Variants in PPP1R12C observed in about 807,000 individuals in gnomAD.
The protein encoded by PPP1R12C is protein phosphatase 1 regulatory subunit 12C, also known as leukocyte receptor cluster (LRC) encoded novel gene 3.
PPP1R12C carries 48 observed loss-of-function variants against 95.6 expected under a neutral mutation model. That is an observed-to-expected ratio of 0.50 (90% CI 0.40 to 0.64). The LOEUF is 0.64. PPP1R12C is among the 30% of genes least tolerant of loss of function. The pLI is 0.00. For synonymous variants in PPP1R12C, 480 were observed against 460.8 expected, an observed-to-expected ratio of 1.04 and a Z score of -0.53; for missense variants, 1,057 against 1,083.3, an observed-to-expected ratio of 0.98 and a Z score of 0.34.
intron 3 of PPP1R12C, among the ~76,000 whole-genome samples, chr19:55,104,179 A>AAAAT (rs34744793): frequency 9.6e-6 from 1 of 104,368 alleles, no homozygotes; most frequent in African/African-American, 3.8e-5. Context: ...AAAAAAAAAA[A>AAAAT]GTATATATAT....
chr19:55,112,068 G>C (rs2085101225), intron 3 of PPP1R12C: 1 of 174,872 alleles, frequency 5.7e-6, no homozygotes, highest in Non-Finnish European at 1.2e-5. Context: ...CCAGTCCCTG[G>C]CAACCCCTGC....
At chr19:55,113,821 G>A (rs150340741) in intron 1 of PPP1R12C, 328 of 217,036 alleles carry the variant, frequency 1.5e-3, no homozygotes, top group Non-Finnish European at 1.8e-3. Context: ...CATGGCGATA[G>A]GGGAGGGGGG....
chr19:55,113,234 G>A, intron 1 of PPP1R12C: 1 of 551,782 alleles, frequency 1.8e-6, no homozygotes, highest in African/African-American at 1.9e-5. Context: ...ACCCAGCCAG[G>A]TCCTTCCAAG....
chr19:55,113,304 G>A, intron 1 of PPP1R12C: 1 of 950,976 alleles, frequency 1.1e-6, no homozygotes, highest in Non-Finnish European at 1.5e-6. Flanking sequence ...TGGGCCCAGG[G>A]CTATGCAGGG....
At position 55,095,915 on chromosome 19, in the gene PPP1R12C, G is replaced by A; in HGVS notation, c.1179C>T (p.Thr393=). Residue 393 remains threonine, a synonymous_variant, in exon 9 of 22, where the codon ACC becomes ACT. Coordinates refer to ENST00000263433, the MANE Select transcript of PPP1R12C (RefSeq NM_017607.4). ...GCGGCGGGGAGGAGACGCCATTGAGGGTTCTGGGTTCTGCAGGGGGTGGTT... is the reference window on the plus strand; with the variant it reads ...GCGGCGGGGAGGAGACGCCATTGAGAGTTCTGGGTTCTGCAGGGGGTGGTT... ...PTEPPPAEPR[T]LNGVSSPPHP... is the part of the protein sequence containing the mutation. 1 of 1,613,318 alleles carries A rather than the reference G, an allele frequency of 6.2e-7. No individual in the cohort carries two copies.
Position 55,097,481 on chromosome 19 carries a change from CCG to C in PPP1R12C, c.952-1148_952-1147del, listed in dbSNP as rs1237611014. ...GTTCACCACCGTCTTCACACCTTCC[CCG>C]CGCAGTTCACCACCGTCTTCACCCC... is the stretch of plus-strand genomic sequence containing the variant. On this transcript the variant is annotated intron_variant, in intron 6 of 21. Transcript: ENST00000263433. Among the ~76,000 whole-genome samples, 57 of 131,450 alleles carry C rather than the reference CCG, an allele frequency of 4.3e-4. 1 individual carries two copies. The highest frequency in any genetic ancestry group is 1.7e-3 in the African/African-American group (52 of 29,870). The allele number at this position is 131,450 out of a possible 152,430, so 86.2% of individuals were successfully genotyped here.
Position 55,096,150 on chromosome 19 carries a change from C to G in PPP1R12C, c.1054G>C (p.Glu352Gln), listed in dbSNP as rs777322752. 3 of 1,600,042 alleles carry G rather than the reference C, an allele frequency of 1.9e-6. No individual in the cohort carries two copies. Among genetic ancestry groups the G allele is most frequent in the Non-Finnish European group, 2.6e-6 (3 of 1,172,928 alleles). Residue 352 changes from glutamate (E) to glutamine (Q), a missense_variant, in exon 8 of 22, where the codon GAG becomes CAG. Physicochemically the swap from Glu to Gln is conservative, Grantham distance 29. Transcript: ENST00000263433. ...GACAAGTCCTGGAGGGAAATCTTCT[C>G]GCGACTGCTCAGACGACACACAGAG... ...RSSVCRLSSR[E>Q]KISLQDLSKE...
At position 55,091,633 on chromosome 19, in the gene PPP1R12C, G is replaced by GC. The variant is rs2084841899; in HGVS notation, c.2262+16dup. The GC allele has an allele frequency of 9.7e-7, 1 of 1,025,798 alleles. No individual in the cohort carries two copies. Among genetic ancestry groups the GC allele is most frequent in the African/African-American group, 1.7e-5 (1 of 60,440 alleles). The allele number at this position is 1,025,798 out of a possible 1,614,324, so 63.5% of individuals were successfully genotyped here. A position where few individuals can be genotyped will look rare whatever the true frequency, so the allele number is the denominator to read the frequency against. ...ACCCACCCTCGGCCCTCTGCCCACA[G>GC]CCCCCACAGCCCCCACCTTCAGCTC... On this transcript the variant is annotated intron_variant, in intron 21 of 21. Coordinates refer to ENST00000263433, the MANE Select transcript of PPP1R12C (RefSeq NM_017607.4).
Position 55,101,675 on chromosome 19 carries a change from G to A in PPP1R12C, c.731+1734C>T, listed in dbSNP as rs537062577. 4.6e-5 allele frequency among the ~76,000 whole-genome samples: 7 copies of A among 152,328 alleles called. No homozygotes were observed. The East Asian group carries it at 1.2e-3, about 25-fold the overall frequency. ...GGAAGCCGTGGGAGGAAAAGGACAC[G>A]GCCTCCAGGCCTGGGCACATCACTA... is the stretch of plus-strand genomic sequence containing the variant. On this transcript the variant is annotated intron_variant, in intron 4 of 21. Transcript: ENST00000263433.
intron 6 of PPP1R12C, among the ~76,000 whole-genome samples, chr19:55,097,601 G>C (rs1315835995): frequency 8.2e-5 from 3 of 36,370 alleles, no homozygotes; most frequent in Non-Finnish European, 1.7e-4. Flanking sequence ...GTTCACCACC[G>C]TCTTCGCCCC....
At chr19:55,092,565 G>C in intron 17 of PPP1R12C, 21 bp from the exon 18 acceptor site, 1 of 1,582,486 alleles carries the variant, frequency 6.3e-7, no homozygotes, top group Non-Finnish European at 8.6e-7. Flanking sequence ...GGAGGAGCGC[G>C]CGTCAGGGGC....
At position 55,092,666 on chromosome 19, in the gene PPP1R12C, T is replaced by C. The variant is rs936462915; in HGVS notation, c.1912-4A>G. ...CAGCCGGCTCCGCCTCCTCCCCCTG[T>C]GGGCAGGTAGACGGGGGTTCAATGG... On this transcript the variant is annotated splice_polypyrimidine_tract_variant and splice_region_variant and intron_variant, in intron 16 of 21. Coordinates refer to ENST00000263433, the MANE Select transcript of PPP1R12C (RefSeq NM_017607.4). 1.4e-5 allele frequency: 21 copies of C among 1,530,538 alleles called. No individual in the cohort carries two copies. The African/African-American group carries it at 1.9e-4, about 14-fold the overall frequency. The allele number at this position is 1,530,538 out of a possible 1,614,324, so 94.8% of individuals were successfully genotyped here.
Position 55,117,283 on chromosome 19 carries a change from C to T in PPP1R12C, c.261G>A (p.Pro87=). The T allele has an allele frequency of 8.2e-7, 1 of 1,220,270 alleles. No homozygotes were observed. The highest frequency in any genetic ancestry group is 1.6e-5 in the African/African-American group (1 of 63,590). The allele number at this position is 1,220,270 out of a possible 1,614,324, so 75.6% of individuals were successfully genotyped here. The stretch of plus-strand genomic sequence containing the variant: ...AGTCCAGCACGGCGCGGGCGGGCGG[C>T]GGCGCGGCGGGGTCGAGCTCGGCGC... ...GPGAELDPAA[P]PPARAVLDST... The change falls in exon 1 of 22, where the codon CCG becomes CCA. Residue 87 remains proline, a synonymous_variant. Transcript: ENST00000263433.
intron 10 of PPP1R12C, 29 bp downstream of exon 10, chr19:55,095,416 G>A (rs371504763): frequency 1.4e-5 from 22 of 1,562,572 alleles, no homozygotes; most frequent in Non-Finnish European, 1.8e-5. Context: ...CAGGGGCCTG[G>A]GCCTGGACCC....
chr19:55,094,382 C>T lies in PPP1R12C; in HGVS notation c.1646G>A (p.Arg549His). 1.9e-6 allele frequency: 3 copies of T among 1,613,818 alleles called. No homozygotes were observed. The highest frequency in any genetic ancestry group is 2.5e-6 in the Non-Finnish European group (3 of 1,180,014). The change falls in exon 13 of 22, where the codon CGC (arginine) becomes CAC (histidine). Residue 549 changes from arginine to histidine, a missense_variant. Arg to His is a conservative substitution (Grantham distance 29, BLOSUM62 0). Around this residue, in one of 5 missense-constraint regions of PPP1R12C, gnomAD observed 356 missense variants for 330.5 expected, o/e 1.08. Coordinates refer to ENST00000263433, the MANE Select transcript of PPP1R12C (RefSeq NM_017607.4). Reference protein sequence around the residue: ...DEESESQRKARSRLMRQSRRS... With the variant: ...DEESESQRKAHSRLMRQSRRS... ...CCGAGACTGGCGCATGAGACGGGAG[C>T]GAGCTTTTCTCTGGGATTCCGACTC... is the stretch of plus-strand genomic sequence containing the variant.
chr19:55,091,483 G>A lies in PPP1R12C; in HGVS notation c.2338C>T (p.Leu780Phe). 6.2e-7 allele frequency: 1 copy of A among 1,614,012 alleles called. No homozygotes were observed. ...AAAGTCCCTCCGGGTCACTTGGAGA[G>A]TTTGCTGATGACGCGGATCAACGCT... ...NAALIRVISK[L>F]SK The change falls in exon 22 of 22, where the codon CTC becomes TTC. Residue 780 changes from leucine to phenylalanine, a missense_variant. Around this residue, in one of 5 missense-constraint regions of PPP1R12C, gnomAD observed 347 missense variants for 307.9 expected, o/e 1.13. Coordinates refer to ENST00000263433, the MANE Select transcript of PPP1R12C (RefSeq NM_017607.4).
chr19:55,112,255 A>G, intron 3 of PPP1R12C: 1 of 203,446 alleles, frequency 4.9e-6, no homozygotes, highest in Non-Finnish European at 9.4e-6. Flanking sequence ...TAGGGGTTTG[A>G]GTTCTCATCC....
chr19:55,092,713 G>T, intron 16 of PPP1R12C, 51 bp from the exon 17 acceptor site: 1 of 1,528,786 alleles, frequency 6.5e-7, no homozygotes. Flanking sequence ...ACTTTAGCGG[G>T]TATGGGAAGG....
rs532021995 is a variant in PPP1R12C, at chr19:55,109,996, A to G, written c.571+2471T>C. 2.0e-5 allele frequency among the ~76,000 whole-genome samples: 3 copies of G among 152,188 alleles called. No homozygotes were observed. The East Asian group carries it at 5.8e-4, about 29-fold the overall frequency. ...ACAAGCCAATATCCCCCACCAATGTATCCCTCCCAGCCTTCTCCTCACCCC... is the reference window on the plus strand; with the variant it reads ...ACAAGCCAATATCCCCCACCAATGTGTCCCTCCCAGCCTTCTCCTCACCCC... On this transcript the variant is annotated intron_variant, in intron 3 of 21. Coordinates refer to ENST00000263433, the MANE Select transcript of PPP1R12C (RefSeq NM_017607.4). This position sits in a 1 kb window ranked among gnomAD's most constrained non-coding sequence, Gnocchi z 4.4.
Sources: gnomAD v4.1 joint callset for allele counts (sites outside exome capture counted in the v4.1 genomes callset) on GRCh38, gnomAD v4.1.1 for gene constraint, gnomAD v4.1.1 regional missense constraint, Gnocchi (gnomAD v3.1) non-coding constraint, MANE v1.5 for transcripts, NCBI Gene and HGNC (gene_info 2026-07-23, HGNC 2026-07-21) for gene names.